The following CEP85L variants were observed in gnomAD, a reference collection of about 807,000 sequenced individuals.
CEP85L encodes the protein centrosomal protein of 85 kDa-like.
Under a neutral mutation model 100.3 loss-of-function variants are expected in CEP85L, and 60 were observed. The observed-to-expected ratio is 0.60, with a 90% confidence interval of 0.49 to 0.74. The LOEUF is 0.74. CEP85L is among the 30% of genes least tolerant of loss of function. The probability of loss-of-function intolerance (pLI) is 0.00; values close to 1 mark genes in which losing one functional copy is unlikely to be tolerated. For synonymous variants in CEP85L, 319 were observed against 322.7 expected, an observed-to-expected ratio of 0.99 and a Z score of 0.12; for missense variants, 973 against 936.2, an observed-to-expected ratio of 1.04 and a Z score of -0.51.
chr6:118,506,056 G>C (rs1289671118), intron 5 of CEP85L, among the ~76,000 whole-genome samples: 1 of 152,118 alleles, frequency 6.6e-6, no homozygotes, highest in Non-Finnish European at 1.5e-5. Flanking sequence ...GCTCTAAAAA[G>C]TAAAGTTAAT....
chr6:118,704,894 G>A (rs1777546843), intron 1 of CEP85L, among the ~76,000 whole-genome samples: 1 of 152,030 alleles, frequency 6.6e-6, no homozygotes, highest in Admixed American at 6.6e-5. Context: ...TCTTTCAGTG[G>A]CTTTTTTTTC....
At chr6:118,474,311 C>G (rs918155251) in intron 10 of CEP85L, among the ~76,000 whole-genome samples, 2 of 152,214 alleles carry the variant, frequency 1.3e-5, no homozygotes, top group African/African-American at 2.4e-5. Context: ...CTTCTCACAT[C>G]TCATTGGGAT....
intron 10 of CEP85L, among the ~76,000 whole-genome samples, chr6:118,475,977 T>C: frequency 6.6e-6 from 1 of 152,130 alleles, no homozygotes; most frequent in Non-Finnish European, 1.5e-5. Context: ...GAGATACTGA[T>C]TCATTAGGTT....
At chr6:118,564,457 A>C (rs994226838) in intron 3 of CEP85L, among the ~76,000 whole-genome samples, 4 of 152,236 alleles carry the variant, frequency 2.6e-5, no homozygotes, top group African/African-American at 9.6e-5. Flanking sequence ...TTCAATCATA[A>C]TGATTCTTCT....
chr6:118,648,568 C>T (rs6925875), intron 1 of CEP85L, among the ~76,000 whole-genome samples: 5 of 151,852 alleles, frequency 3.3e-5, no homozygotes, highest in African/African-American at 9.7e-5. Flanking sequence ...GGTGAAACCC[C>T]GTCTCTACTA....
At chr6:118,576,912 T>C (rs764105801) in intron 2 of CEP85L, among the ~76,000 whole-genome samples, 1 of 152,216 alleles carries the variant, frequency 6.6e-6, no homozygotes, top group East Asian at 1.9e-4. Context: ...CAAAAGCGAT[T>C]GTTACGCTTG....
chr6:118,480,549 T>C, intron 8 of CEP85L, 36 bp from the exon 9 acceptor site: 1 of 1,294,710 alleles, frequency 7.7e-7, no homozygotes, highest in Non-Finnish European at 1.1e-6. Context: ...GAAAATAAGC[T>C]CTATTTGCTG....
At chr6:118,662,546 A>G (rs1776009677) in intron 1 of CEP85L, among the ~76,000 whole-genome samples, 1 of 152,216 alleles carries the variant, frequency 6.6e-6, no homozygotes, top group South Asian at 2.1e-4. Flanking sequence ...AAAAAAAAAA[A>G]AAAGAATAGT....
At chr6:118,586,500 AAG>A (rs1216196097) in intron 2 of CEP85L, among the ~76,000 whole-genome samples, 12 of 152,044 alleles carry the variant, frequency 7.9e-5, no homozygotes, top group African/African-American at 2.9e-4. Flanking sequence ...CCAACCTAGG[AAG>A]GGCCTCACAC....
At chr6:118,600,370 T>TGTGTGTGTGTGTGTGTG (rs58066356) in intron 2 of CEP85L, among the ~76,000 whole-genome samples, 3 of 86,366 alleles carry the variant, frequency 3.5e-5, no homozygotes, top group Non-Finnish European at 5.1e-5. Context: ...TGTGTGTGTG[T>TGTGTGTGTGTGTGTGTG]AACGCCATGG....
rs117058619 is a variant in CEP85L at position 118,508,312 on chromosome 6, A to G, written c.1257+2986T>C. The stretch of plus-strand genomic sequence containing the variant: ...AGAAAAGAAATGATGCAACAATGAA[A>G]CTTAATAATAGTAACTATTATTTGG... On this transcript the variant is annotated intron_variant, in intron 5 of 12. Transcript: ENST00000368491. Among the ~76,000 whole-genome samples, 207 of 152,304 alleles carry G rather than the reference A, an allele frequency of 1.4e-3. 2 individuals carry two copies. The East Asian group carries it at 0.029, about 22-fold the overall frequency.
At chr6:118,503,366 C>T (rs1311183710) in intron 5 of CEP85L, among the ~76,000 whole-genome samples, 1 of 152,064 alleles carries the variant, frequency 6.6e-6, no homozygotes, top group Non-Finnish European at 1.5e-5. Context: ...TGGTTCTTTC[C>T]AATTTGATCT....
At chr6:118,528,768 T>C (rs1229320260) in intron 3 of CEP85L, among the ~76,000 whole-genome samples, 1 of 152,184 alleles carries the variant, frequency 6.6e-6, no homozygotes, top group African/African-American at 2.4e-5. Context: ...CCAGCATCTA[T>C]ACTACATTAA....
At chr6:118,582,203 C>T (rs1001864136) in intron 2 of CEP85L, among the ~76,000 whole-genome samples, 1 of 152,192 alleles carries the variant, frequency 6.6e-6, no homozygotes, top group African/African-American at 2.4e-5. Context: ...TTCATTCTTA[C>T]CTCTGCAGGA....
upstream of CEP85L, chr6:118,710,088 T>G (rs1399270416): frequency 6.6e-6 from 1 of 152,172 alleles, no homozygotes; most frequent in South Asian, 2.1e-4. Flanking sequence ...GAAATGGGTA[T>G]GTGGGGGTTA....
At chr6:118,498,291 C>A (rs114080501) in intron 5 of CEP85L, among the ~76,000 whole-genome samples, 2 of 151,672 alleles carry the variant, frequency 1.3e-5, no homozygotes, top group African/African-American at 4.8e-5. Flanking sequence ...GTCAGGGGTT[C>A]GAGACCAGCC....
intron 4 of CEP85L, among the ~76,000 whole-genome samples, chr6:118,521,594 A>C (rs904688056): frequency 6.6e-6 from 1 of 152,186 alleles, no homozygotes; most frequent in African/African-American, 2.4e-5. Flanking sequence ...CTACTGGTCT[A>C]GTGACTAACA....
chr6:118,572,827 C>T (rs986247040), intron 2 of CEP85L, among the ~76,000 whole-genome samples: 2 of 151,790 alleles, frequency 1.3e-5, no homozygotes, highest in African/African-American at 2.4e-5. Context: ...TTTGGGAGGC[C>T]GAGGCGGGCA....
rs759257709 is a variant in CEP85L, at chr6:118,480,393, G to A, written c.1863+3C>T. 1 of 1,537,410 alleles carries A rather than the reference G, an allele frequency of 6.5e-7. No homozygotes were observed. The highest frequency in any genetic ancestry group is 1.1e-5 in the South Asian group (1 of 88,782). On this transcript the variant is annotated splice_donor_region_variant and intron_variant, in intron 9 of 12. Coordinates refer to ENST00000368491, the MANE Select transcript of CEP85L (RefSeq NM_001042475.3). ...ACGTTTATGATCTAAGGTATCTACT[G>A]ACCTTACTAGCAGTCTCATTTTGTT...
Sources: gnomAD v4.1 joint callset for allele counts (sites outside exome capture counted in the v4.1 genomes callset) on GRCh38, gnomAD v4.1.1 for gene constraint, MANE v1.5 for transcripts, NCBI Gene and HGNC (gene_info 2026-07-23, HGNC 2026-07-21) for gene names.